Variants in ODR4 observed in about 807,000 individuals in gnomAD.
ODR4 encodes odr-4 GPCR localization factor homolog.
Under a neutral mutation model 60.2 loss-of-function variants are expected in ODR4, and 47 were observed. That is an observed-to-expected ratio of 0.78 (90% CI 0.62 to 1.00). The LOEUF (loss-of-function observed/expected upper bound fraction) is 1.00. ODR4 is among the 50% of genes least tolerant of loss of function. ODR4 has a pLI of 0.00. For missense variants in ODR4, 488 were observed against 530.8 expected, an observed-to-expected ratio of 0.92 and a Z score of 0.79; for synonymous variants, 178 against 175.5, an observed-to-expected ratio of 1.01 and a Z score of -0.11.
At chr1:186,392,884 A>G (rs552553089) in intron 8 of ODR4, among the ~76,000 whole-genome samples, 1 of 152,310 alleles carries the variant, frequency 6.6e-6, no homozygotes, top group African/African-American at 2.4e-5. Context: ...GGTGCCTGTA[A>G]GCACAAGCTA....
downstream of ODR4, among the ~76,000 whole-genome samples, chr1:186,422,151 AT>A (rs200418489): frequency 5.3e-5 from 8 of 151,876 alleles, no homozygotes; most frequent in East Asian, 1.9e-4. Context: ...TAAAAAAAAA[AT>A]TTTTTTTAAA....
intron 9 of ODR4, among the ~76,000 whole-genome samples, chr1:186,395,033 G>C (rs1234470010): frequency 3.3e-5 from 5 of 152,210 alleles, no homozygotes; most frequent in Non-Finnish European, 5.9e-5. Context: ...GAGATGTATA[G>C]AGTGTGGGAA....
At chr1:186,414,851 C>T (rs1661503111) in intron 12 of ODR4, among the ~76,000 whole-genome samples, 1 of 152,086 alleles carries the variant, frequency 6.6e-6, no homozygotes, top group Non-Finnish European at 1.5e-5. Context: ...GATATTTGCT[C>T]ATAGAAGAGC....
At chr1:186,424,171 A>G (rs1661846113), downstream of ODR4, among the ~76,000 whole-genome samples, 1 of 152,210 alleles carries the variant, frequency 6.6e-6, no homozygotes, top group South Asian at 2.1e-4. Flanking sequence ...CGTTGACAAC[A>G]AAAAACAAAT....
Position 186,412,634 on chromosome 1 carries a change from A to G in ODR4, c.1187-4910A>G, listed in dbSNP as rs998080385. ...AACATCCTATTTTTTTTAGAATTATATGCGCTTATTCACTCATTTACTCAT... is the reference window on the plus strand; with the variant it reads ...AACATCCTATTTTTTTTAGAATTATGTGCGCTTATTCACTCATTTACTCAT... On this transcript the variant is annotated intron_variant, in intron 12 of 13. Transcript: ENST00000287859. Among the ~76,000 whole-genome samples the G allele has an allele frequency of 1.2e-4, 19 of 152,246 alleles. 1 individual carries two copies. The highest frequency in any genetic ancestry group is 1.2e-3 in the South Asian group (6 of 4,822).
chr1:186,416,034 A>G (rs978173171), intron 12 of ODR4, among the ~76,000 whole-genome samples: 4 of 152,160 alleles, frequency 2.6e-5, no homozygotes, highest in African/African-American at 9.7e-5. Context: ...TGTACAAATA[A>G]ATATTTTAGG....
chr1:186,433,172 C>T, the ODR4 span, among the ~76,000 whole-genome samples: 1 of 151,994 alleles, frequency 6.6e-6, no homozygotes, highest in Admixed American at 6.6e-5. Flanking sequence ...GTACTTATTT[C>T]CTTATGTTTG....
At chr1:186,377,399 A>G (rs1424811239) in intron 1 of ODR4, among the ~76,000 whole-genome samples, 1 of 152,198 alleles carries the variant, frequency 6.6e-6, no homozygotes, top group African/African-American at 2.4e-5. Flanking sequence ...TTTATCTGAC[A>G]TTCAATCAGA....
In ODR4 at chr1:186,419,124, A is replaced by C. The variant is rs778700732; in HGVS notation, c.*48A>C. On this transcript the variant is annotated 3_prime_UTR_variant, in exon 14 of 14. Transcript: ENST00000287859. The stretch of plus-strand genomic sequence containing the variant: ...GATCATCCAGAGAACATTGACAGAC[A>C]ATTATGAATAATAAAGATGTTAACA... 10 of 1,441,768 alleles carry C rather than the reference A, an allele frequency of 6.9e-6. No homozygotes were observed. In the African/African-American group the frequency reaches 1.3e-4, roughly 18 times the overall value. The allele number at this position is 1,441,768 out of a possible 1,614,324, so 89.3% of individuals were successfully genotyped here. A position where few individuals can be genotyped will look rare whatever the true frequency, so the allele number is the denominator to read the frequency against.
chr1:186,386,380 A>G (rs1660251376), intron 4 of ODR4, among the ~76,000 whole-genome samples: 1 of 152,166 alleles, frequency 6.6e-6, no homozygotes, highest in African/African-American at 2.4e-5. Context: ...ATTTCATACA[A>G]ATTTGAAAAA....
the ODR4 span, among the ~76,000 whole-genome samples, chr1:186,428,750 A>G: frequency 6.6e-6 from 1 of 152,188 alleles, no homozygotes; most frequent in Non-Finnish European, 1.5e-5. Flanking sequence ...TTGTAGGGTT[A>G]TCAACTGGCC....
At chr1:186,384,572 GACACACAC>G (rs368870659) in intron 3 of ODR4, among the ~76,000 whole-genome samples, 21 of 129,638 alleles carry the variant, frequency 1.6e-4, no homozygotes, top group East Asian at 6.2e-4. Flanking sequence ...AATTGTATAT[GACACACAC>G]ACACACACAC....
At chr1:186,407,422 G>A (rs1444587128) in intron 12 of ODR4, among the ~76,000 whole-genome samples, 1 of 152,172 alleles carries the variant, frequency 6.6e-6, no homozygotes, top group Non-Finnish European at 1.5e-5. Context: ...TGAGGACAGG[G>A]ATTTTTGTTT....
chr1:186,381,648 T>G (rs1488327019), intron 2 of ODR4, among the ~76,000 whole-genome samples: 1 of 150,396 alleles, frequency 6.6e-6, no homozygotes, highest in Non-Finnish European at 1.5e-5. Context: ...TTCTATCTCT[T>G]TTTATGCTGT....
At chr1:186,399,990 CTTTT>C (rs948511178) in intron 11 of ODR4, among the ~76,000 whole-genome samples, 1 of 112,072 alleles carries the variant, frequency 8.9e-6, no homozygotes, top group Non-Finnish European at 1.8e-5. Flanking sequence ...TTTTTTTTTT[CTTTT>C]TTTTTTTTTT....
downstream of ODR4, among the ~76,000 whole-genome samples, chr1:186,424,465 G>T (rs1406278494): frequency 2.0e-5 from 3 of 152,162 alleles, no homozygotes; most frequent in Non-Finnish European, 4.4e-5. Context: ...TGGGTTTCTT[G>T]ATCTTCATTT....
In ODR4 at chr1:186,420,877, A is replaced by G. The variant is rs1426794328; in HGVS notation, c.*1801A>G. ...TTACAAATTTGTTGGAAAAACATGA[A>G]TTCATAAATTCAGGAAGCACAATAT... On this transcript the variant is annotated 3_prime_UTR_variant, in exon 14 of 14. Transcript: ENST00000287859. 2 of 152,208 alleles carry G rather than the reference A, an allele frequency of 1.3e-5. No individual in the cohort carries two copies. Among genetic ancestry groups the G allele is most frequent in the African/African-American group, 4.8e-5 (2 of 41,450 alleles). The allele number at this position is 152,208 out of a possible 1,614,324, so 9.4% of individuals were successfully genotyped here.
In ODR4 at chr1:186,377,873, G is replaced by A. The variant is rs560274350; in HGVS notation, c.-19-1894G>A. Among the ~76,000 whole-genome samples the A allele has an allele frequency of 5.3e-5, 8 of 152,148 alleles. No individual in the cohort carries two copies. In the East Asian group the frequency reaches 1.2e-3, roughly 22 times the overall value. On this transcript the variant is annotated intron_variant, in intron 1 of 13. Coordinates refer to ENST00000287859, the MANE Select transcript of ODR4 (RefSeq NM_017847.6). ...ATCCTGGCTAACACGGTGAAACCCC[G>A]TCTCTACTAAAAATACAAAAAATTA... is the stretch of plus-strand genomic sequence containing the variant.
intron 4 of ODR4, among the ~76,000 whole-genome samples, chr1:186,387,284 T>G (rs1660288642): frequency 6.6e-6 from 1 of 152,162 alleles, no homozygotes; most frequent in Non-Finnish European, 1.5e-5. Context: ...TGCCAACTTT[T>G]CCATCTTAAA....
Sources: gnomAD v4.1 joint callset for allele counts (sites outside exome capture counted in the v4.1 genomes callset) on GRCh38, gnomAD v4.1.1 for gene constraint, MANE v1.5 for transcripts, NCBI Gene and HGNC (gene_info 2026-07-23, HGNC 2026-07-21) for gene names.